Variants in CCSER1 observed in about 807,000 individuals in gnomAD.
CCSER1 encodes the protein serine-rich coiled-coil domain-containing protein 1.
A neutral mutation model predicts 82.0 loss-of-function variants in CCSER1; 41 were observed. The observed-to-expected ratio is 0.50, with a 90% CI of 0.39 to 0.65. The LOEUF is 0.65. Among genes scored for constraint, CCSER1 ranks in the 30% least tolerant of loss-of-function variants. CCSER1 has a pLI of 0.00. For missense variants in CCSER1, 1,119 were observed against 1,064.2 expected (o/e 1.05, Z -0.72); for synonymous variants, 414 against 383.9 (o/e 1.08, Z -0.92).
chr4:91,286,937 T>C (rs1417411655), intron 10 of CCSER1, among the ~76,000 whole-genome samples: 4 of 151,894 alleles, frequency 2.6e-5, no homozygotes, highest in Admixed American at 2.6e-4. Context: ...TTGTAAGTTG[T>C]CTATTCAGGA....
chr4:90,652,894 C>A (rs895414374), intron 6 of CCSER1, among the ~76,000 whole-genome samples: 3 of 152,080 alleles, frequency 2.0e-5, no homozygotes, highest in Non-Finnish European at 2.9e-5. Flanking sequence ...TTCTGTAACT[C>A]ATTGGGAAGG....
chr4:90,745,674 T>C (rs1281275237), intron 7 of CCSER1, among the ~76,000 whole-genome samples: 4 of 145,084 alleles, frequency 2.8e-5, no homozygotes, highest in South Asian at 2.1e-4. Flanking sequence ...GCTATTTCTT[T>C]TATCTTTTTT....
chr4:90,846,300 A>C (rs1763229555), intron 8 of CCSER1, among the ~76,000 whole-genome samples: 1 of 152,216 alleles, frequency 6.6e-6, no homozygotes, highest in Non-Finnish European at 1.5e-5. Flanking sequence ...ATTAATGTAC[A>C]ACCATGGAAG....
intron 6 of CCSER1, among the ~76,000 whole-genome samples, chr4:90,660,607 G>C (rs1730593253): frequency 6.6e-6 from 1 of 152,034 alleles, no homozygotes; most frequent in Admixed American, 6.6e-5. Flanking sequence ...TGTTGGTTCT[G>C]TTAAACAGGA....
chr4:90,775,652 G>T (rs1359497299), intron 7 of CCSER1, among the ~76,000 whole-genome samples: 1 of 152,260 alleles, frequency 6.6e-6, no homozygotes, highest in African/African-American at 2.4e-5. Context: ...GCAGAATAAT[G>T]ATAATGGGTT....
chr4:90,182,177 A>C (rs1424195646), intron 1 of CCSER1, among the ~76,000 whole-genome samples: 1 of 152,142 alleles, frequency 6.6e-6, no homozygotes, highest in Non-Finnish European at 1.5e-5. Context: ...TTTTTCTTAA[A>C]TTTAGGGTGA....
At chr4:90,239,269 A>G (rs1486889001) in intron 1 of CCSER1, among the ~76,000 whole-genome samples, 6 of 152,186 alleles carry the variant, frequency 3.9e-5, no homozygotes, top group African/African-American at 1.4e-4. Flanking sequence ...AATCTTTGTA[A>G]ACAACACCAA....
At chr4:90,249,834 A>G (rs963722521) in intron 1 of CCSER1, among the ~76,000 whole-genome samples, 1 of 152,112 alleles carries the variant, frequency 6.6e-6, no homozygotes, top group African/African-American at 2.4e-5. Context: ...TTTTCAACAC[A>G]CTTGCACCAT....
intron 6 of CCSER1, among the ~76,000 whole-genome samples, chr4:90,663,031 T>C (rs1404581951): frequency 6.6e-6 from 1 of 152,214 alleles, no homozygotes; most frequent in African/African-American, 2.4e-5. Context: ...TTGTTCTCTA[T>C]AATGAGAGAG....
At chr4:90,304,733 G>A (rs951624816) in intron 1 of CCSER1, among the ~76,000 whole-genome samples, 2 of 151,764 alleles carry the variant, frequency 1.3e-5, no homozygotes, top group Non-Finnish European at 2.9e-5. Flanking sequence ...CAGCAGCATG[G>A]CACATGTATA....
chr4:90,496,437 T>A (rs566911117), intron 5 of CCSER1, among the ~76,000 whole-genome samples: 71 of 152,308 alleles, frequency 4.7e-4, no homozygotes, highest in African/African-American at 1.5e-3. Context: ...CCAAAAAGTT[T>A]ATCACCAGAT....
intron 6 of CCSER1, among the ~76,000 whole-genome samples, chr4:90,709,744 T>C (rs1045095547): frequency 3.9e-5 from 6 of 152,304 alleles, no homozygotes; most frequent in Non-Finnish European, 5.9e-5. Context: ...GCAGTGAACA[T>C]ATGCATGCAT....
chr4:91,064,212 A>G (rs1295319752), intron 9 of CCSER1, among the ~76,000 whole-genome samples: 1 of 152,134 alleles, frequency 6.6e-6, no homozygotes, highest in Non-Finnish European at 1.5e-5. Context: ...CTGGAAGAAG[A>G]TTGCCAAAAG....
At chr4:90,636,781 A>C (rs1725487105) in intron 6 of CCSER1, among the ~76,000 whole-genome samples, 1 of 152,170 alleles carries the variant, frequency 6.6e-6, no homozygotes, top group African/African-American at 2.4e-5. Context: ...CAAGGTAAGA[A>C]TATCCACTCA....
intron 7 of CCSER1, among the ~76,000 whole-genome samples, chr4:90,750,921 T>G (rs571854296): frequency 6.6e-6 from 1 of 152,284 alleles, no homozygotes; most frequent in African/African-American, 2.4e-5. Context: ...GAATTATCTT[T>G]TCTTTGAAAT....
intron 8 of CCSER1, among the ~76,000 whole-genome samples, chr4:90,846,513 T>G (rs1449067763): frequency 6.6e-6 from 1 of 152,202 alleles, no homozygotes; most frequent in Non-Finnish European, 1.5e-5. Flanking sequence ...TGTTTAATGA[T>G]CAAATCAAGG....
chr4:90,943,803 T>C (rs990989321), intron 9 of CCSER1, among the ~76,000 whole-genome samples: 18 of 143,910 alleles, frequency 1.3e-4, no homozygotes, highest in Non-Finnish European at 2.7e-4. Context: ...CTCAAACTAC[T>C]GGCCTCAAAA....
intron 5 of CCSER1, among the ~76,000 whole-genome samples, chr4:90,481,643 A>C (rs1005723709): frequency 6.6e-6 from 1 of 152,074 alleles, no homozygotes. Flanking sequence ...GGTTTTTGTC[A>C]TTGGTTCTGT....
At chr4:91,194,190 G>A (rs6816299) in intron 10 of CCSER1, among the ~76,000 whole-genome samples, 16,980 of 152,018 alleles carry the variant, frequency 0.11, 1,099 homozygotes, top group East Asian at 0.23. Context: ...GGCTTGTCTC[G>A]AACTCCCGAC....
Sources: gnomAD v4.1 joint callset for allele counts (sites outside exome capture counted in the v4.1 genomes callset) on GRCh38, gnomAD v4.1.1 for gene constraint, MANE v1.5 for transcripts, NCBI Gene and HGNC (gene_info 2026-07-23, HGNC 2026-07-21) for gene names.